SOX5: variants seen among roughly 807,000 people sequenced by gnomAD.
SOX5 encodes SRY-box transcription factor 5.
In SOX5, 9 loss-of-function variants were observed where a neutral mutation model predicts 92.0. The ratio of observed to expected loss-of-function variants is 0.10; its 90% CI spans 0.06 to 0.17. The LOEUF (loss-of-function observed/expected upper bound fraction) is 0.17, where lower values mean the gene tolerates loss of function less well. Ranked by LOEUF, SOX5 falls within the 10% of genes least tolerant of loss-of-function variation. SOX5 has a pLI of 1.00. For synonymous variants in SOX5, 344 were observed against 336.3 expected (o/e 1.02, Z -0.25); for missense variants, 642 against 944.5 (o/e 0.68, Z 4.20).
chr12:23,647,512 G>C (rs1314507360), intron 7 of SOX5, among the ~76,000 whole-genome samples: 1 of 152,202 alleles, frequency 6.6e-6, no homozygotes, highest in Non-Finnish European at 1.5e-5. Context: ...GTCCTCTCTA[G>C]CTATGAAAGT....
At chr12:23,709,544 G>C (rs956133360) in intron 6 of SOX5, among the ~76,000 whole-genome samples, 2 of 152,172 alleles carry the variant, frequency 1.3e-5, no homozygotes, top group Non-Finnish European at 2.9e-5. Flanking sequence ...AGTACCCTCA[G>C]AGAAACCAAA....
At chr12:24,397,421 T>C (rs1960327826) in intron 1 of SOX5, among the ~76,000 whole-genome samples, 1 of 152,230 alleles carries the variant, frequency 6.6e-6, no homozygotes, top group African/African-American at 2.4e-5. Flanking sequence ...GTATTTAATG[T>C]ACATATAAAT....
Position 24,126,290 on chromosome 12 carries a change from T to C in SOX5, c.-2+87053A>G, listed in dbSNP as rs548608095. Among the ~76,000 whole-genome samples, 91 of 152,232 alleles carry C rather than the reference T, an allele frequency of 6.0e-4. 1 individual carries two copies. In the Middle Eastern group the frequency reaches 0.014, roughly 23 times the overall value. On this transcript the variant is annotated intron_variant, in intron 4 of 4. Coordinates refer to the SOX5 transcript ENST00000446891. The stretch of plus-strand genomic sequence containing the variant: ...TGTCCCAACGCCCACTTAATCCAAA[T>C]ATCTACTCAACATCTCCATTACAGG...
chr12:23,631,505 T>C (rs2078532981), intron 8 of SOX5, among the ~76,000 whole-genome samples: 1 of 152,212 alleles, frequency 6.6e-6, no homozygotes, highest in African/African-American at 2.4e-5. Flanking sequence ...GCTCATAGAA[T>C]TACATCTACT....
At chr12:24,016,360 G>A (rs1953601615) in intron 4 of SOX5, among the ~76,000 whole-genome samples, 1 of 152,152 alleles carries the variant, frequency 6.6e-6, no homozygotes, top group Non-Finnish European at 1.5e-5. Context: ...GTCCACATTT[G>A]CTTATGGACG....
chr12:24,504,009 A>G (rs1948483745), intron 1 of SOX5, among the ~76,000 whole-genome samples: 1 of 152,176 alleles, frequency 6.6e-6, no homozygotes, highest in Non-Finnish European at 1.5e-5. Context: ...TTCTCAGAGT[A>G]GAAATTCGAA....
intron 9 of SOX5, among the ~76,000 whole-genome samples, chr12:23,582,587 C>G (rs1464821013): frequency 6.6e-6 from 1 of 152,054 alleles, no homozygotes; most frequent in Admixed American, 6.6e-5. Context: ...TTTAGACTTA[C>G]AAATTGCAAA....
In SOX5 at chr12:24,056,685, A is replaced by G. The variant is rs530708812; in HGVS notation, c.-2+156658T>C. Among the ~76,000 whole-genome samples the G allele has an allele frequency of 1.6e-4, 24 of 152,264 alleles. No individual in the cohort carries two copies. In the South Asian group the frequency reaches 5.0e-3, roughly 32 times the overall value. On this transcript the variant is annotated intron_variant, in intron 4 of 4. Coordinates refer to the SOX5 transcript ENST00000446891. The stretch of plus-strand genomic sequence containing the variant: ...ACAGAAGGGGGTCAGATATTATATC[A>G]AAAATTCAGGCCGGGCGCGGTGGCT...
At chr12:23,734,794 A>T (rs1351669963) in intron 5 of SOX5, 42 bp from the exon 6 acceptor site, 1 of 1,508,568 alleles carries the variant, frequency 6.6e-7, no homozygotes, top group Non-Finnish European at 9.2e-7. Flanking sequence ...AGTATATTGT[A>T]GTCCCGGAGG....
At chr12:24,011,418 C>T (rs973665632) in intron 4 of SOX5, among the ~76,000 whole-genome samples, 2 of 152,064 alleles carry the variant, frequency 1.3e-5, no homozygotes, top group African/African-American at 2.4e-5. Flanking sequence ...GTAGATGAGC[C>T]CATTGTGACT....
rs374423812 is a variant in SOX5, at chr12:24,017,609, AATAAAATAAAATAAC to A, written c.-1-121600_-1-121586del. Among the ~76,000 whole-genome samples, 78 of 152,172 alleles carry A rather than the reference AATAAAATAAAATAAC, an allele frequency of 5.1e-4. No individual in the cohort carries two copies. In the Middle Eastern group the frequency reaches 0.01, roughly 20 times the overall value. ...AGTGAGACTCTATCTCAAAAAATAA[AATAAAATAAAATAAC>A]ATAAAATAAAATGAAATTAAAAAAG... is the stretch of plus-strand genomic sequence containing the variant. On this transcript the variant is annotated intron_variant, in intron 4 of 4. Coordinates refer to the SOX5 transcript ENST00000446891.
At chr12:24,199,268 T>C (rs763585599) in intron 4 of SOX5, among the ~76,000 whole-genome samples, 19 of 152,174 alleles carry the variant, frequency 1.2e-4, no homozygotes, top group Non-Finnish European at 1.0e-4. Flanking sequence ...GGCTGGAAAG[T>C]AGACATCACT....
intron 4 of SOX5, among the ~76,000 whole-genome samples, chr12:24,096,375 G>A (rs1026169213): frequency 3.3e-5 from 5 of 152,110 alleles, no homozygotes; most frequent in African/African-American, 1.2e-4. Context: ...CACTCACAAT[G>A]TTGTGAAACC....
At chr12:24,365,687 C>T (rs982359398) in intron 2 of SOX5, among the ~76,000 whole-genome samples, 1 of 150,574 alleles carries the variant, frequency 6.6e-6, no homozygotes, top group African/African-American at 2.4e-5. Flanking sequence ...TTGATTAATA[C>T]TTTTTTAACT....
intron 4 of SOX5, among the ~76,000 whole-genome samples, chr12:24,090,487 A>T (rs1944512322): frequency 6.6e-6 from 1 of 152,204 alleles, no homozygotes; most frequent in Non-Finnish European, 1.5e-5. Flanking sequence ...CGACAAAATT[A>T]TATATTAGTA....
At chr12:23,810,567 C>T (rs935284182) in intron 3 of SOX5, among the ~76,000 whole-genome samples, 1 of 152,102 alleles carries the variant, frequency 6.6e-6, no homozygotes, top group African/African-American at 2.4e-5. Context: ...TAGGGCCATT[C>T]GACAAGGTAG....
chr12:23,751,899 A>T (rs2094191520), intron 4 of SOX5, among the ~76,000 whole-genome samples: 1 of 151,840 alleles, frequency 6.6e-6, no homozygotes, highest in Non-Finnish European at 1.5e-5. Flanking sequence ...GGTCAGAAGA[A>T]TCCATCAGAG....
intron 4 of SOX5, among the ~76,000 whole-genome samples, chr12:24,189,329 A>G (rs1174305073): frequency 1.3e-5 from 2 of 151,934 alleles, no homozygotes; most frequent in African/African-American, 2.4e-5. Flanking sequence ...TAAGCTGGAA[A>G]CTCTGGAATT....
chr12:24,046,402 G>C (rs1957029956), intron 4 of SOX5, among the ~76,000 whole-genome samples: 1 of 152,048 alleles, frequency 6.6e-6, no homozygotes, highest in African/African-American at 2.4e-5. Flanking sequence ...ATTTAGGCTT[G>C]AAATTTAAAT....
Sources: gnomAD v4.1 joint callset for allele counts (sites outside exome capture counted in the v4.1 genomes callset) on GRCh38, gnomAD v4.1.1 for gene constraint, MANE v1.5 for transcripts, NCBI Gene and HGNC (gene_info 2026-07-23, HGNC 2026-07-21) for gene names.